The following ZRANB3 variants were observed in gnomAD, a reference collection of about 807,000 sequenced individuals.
ZRANB3 encodes the protein zinc finger RANBP2-type containing 3, also known as DNA annealing helicase and endonuclease ZRANB3.
A neutral mutation model predicts 133.8 loss-of-function variants in ZRANB3; 125 were observed. The ratio of observed to expected loss-of-function variants is 0.93; its 90% CI spans 0.81 to 1.08. The LOEUF (loss-of-function observed/expected upper bound fraction) is 1.08, where lower values mean the gene tolerates loss of function less well. ZRANB3 is among the 50% of genes least tolerant of loss of function. The pLI, the probability that ZRANB3 is intolerant of heterozygous loss-of-function variation, is 0.00. For synonymous variants in ZRANB3, 387 were observed against 432.7 expected (o/e 0.89, Z 1.31); for missense variants, 1,229 against 1,275.5 (o/e 0.96, Z 0.56).
At chr2:135,499,672 A>G (rs1692848452) in intron 2 of ZRANB3, among the ~76,000 whole-genome samples, 1 of 152,244 alleles carries the variant, frequency 6.6e-6, no homozygotes, top group Non-Finnish European at 1.5e-5. Flanking sequence ...ACCTACCAGA[A>G]TATCTAAAAT....
chr2:135,423,104 T>C (rs140105355), intron 2 of ZRANB3, among the ~76,000 whole-genome samples: 4 of 152,320 alleles, frequency 2.6e-5, no homozygotes, highest in Non-Finnish European at 5.9e-5. Context: ...CCATTCTGCT[T>C]ACACAGCATT....
At chr2:135,202,745 C>A in intron 20 of ZRANB3, 87 bp downstream of exon 20, 1 of 1,436,686 alleles carries the variant, frequency 7.0e-7, no homozygotes, top group South Asian at 1.5e-5. Flanking sequence ...GAGATAAATT[C>A]ATCCACATAA....
chr2:135,264,470 C>CAA (rs201380002), intron 12 of ZRANB3, among the ~76,000 whole-genome samples: 14 of 64,958 alleles, frequency 2.2e-4, no homozygotes, highest in African/African-American at 4.1e-4. Flanking sequence ...GACTCTGTCT[C>CAA]AAAAAAAAAA....
intron 2 of ZRANB3, among the ~76,000 whole-genome samples, chr2:135,412,892 T>C (rs1456554686): frequency 6.6e-6 from 1 of 152,154 alleles, no homozygotes; most frequent in East Asian, 1.9e-4. Flanking sequence ...GAAAAGGCAG[T>C]TCTTCTTAAA....
At chr2:135,353,156 T>C (rs1033994757) in intron 4 of ZRANB3, among the ~76,000 whole-genome samples, 3 of 152,168 alleles carry the variant, frequency 2.0e-5, no homozygotes, top group Non-Finnish European at 4.4e-5. Flanking sequence ...AACCTTAAGA[T>C]GGTTTCAAAT....
At chr2:135,345,789 C>T (rs571736326) in intron 5 of ZRANB3, among the ~76,000 whole-genome samples, 154 bp from the exon 6 acceptor site, 1 of 151,932 alleles carries the variant, frequency 6.6e-6, no homozygotes, top group African/African-American at 2.4e-5. Flanking sequence ...CAGGGATAAC[C>T]GTTATCTGTT....
At chr2:135,437,577 T>C (rs1161330985) in intron 2 of ZRANB3, among the ~76,000 whole-genome samples, 3 of 152,230 alleles carry the variant, frequency 2.0e-5, no homozygotes, top group Non-Finnish European at 4.4e-5. Context: ...AACTGTTCAC[T>C]TATGATGTGG....
chr2:135,207,191 T>A (rs538717019), intron 19 of ZRANB3, among the ~76,000 whole-genome samples: 67 of 149,542 alleles, frequency 4.5e-4, no homozygotes, highest in Admixed American at 5.3e-4. Flanking sequence ...AATAAATAAA[T>A]AATAAATAAA....
At chr2:135,257,513 T>G (rs1020526736) in intron 12 of ZRANB3, among the ~76,000 whole-genome samples, 1 of 152,200 alleles carries the variant, frequency 6.6e-6, no homozygotes, top group Non-Finnish European at 1.5e-5. Flanking sequence ...CCAGATGGTT[T>G]TACAAAATGG....
At chr2:135,274,524 G>A (rs1252191203) in intron 9 of ZRANB3, among the ~76,000 whole-genome samples, 1 of 152,054 alleles carries the variant, frequency 6.6e-6, no homozygotes, top group Non-Finnish European at 1.5e-5. Flanking sequence ...CTCTAAAACG[G>A]TATATCCAGG....
chr2:135,463,316 T>G (rs1690842185), intron 2 of ZRANB3, among the ~76,000 whole-genome samples: 1 of 152,150 alleles, frequency 6.6e-6, no homozygotes, highest in Non-Finnish European at 1.5e-5. Flanking sequence ...CTGTTTTATA[T>G]ATATAAAACA....
intron 2 of ZRANB3, among the ~76,000 whole-genome samples, chr2:135,491,735 T>C (rs1348532747): frequency 1.3e-5 from 2 of 152,012 alleles, no homozygotes; most frequent in Admixed American, 1.3e-4. Flanking sequence ...CAGGATGGTC[T>C]TGATCTCCTG....
chr2:135,207,194 T>TAAATAAA (rs1558828184), intron 19 of ZRANB3, among the ~76,000 whole-genome samples: 9 of 141,034 alleles, frequency 6.4e-5, no homozygotes, highest in African/African-American at 2.6e-4. Flanking sequence ...AAATAAATAA[T>TAAATAAA]AAATAAATAA....
chr2:135,251,573 C>A (rs1301583190), intron 12 of ZRANB3, among the ~76,000 whole-genome samples: 3 of 152,122 alleles, frequency 2.0e-5, no homozygotes, highest in East Asian at 1.9e-4. Flanking sequence ...GTCTTTCCTG[C>A]GCTATTCTTG....
At chr2:135,361,158 G>T (rs947248983) in intron 3 of ZRANB3, among the ~76,000 whole-genome samples, 2 of 152,114 alleles carry the variant, frequency 1.3e-5, no homozygotes, top group Admixed American at 6.5e-5. Flanking sequence ...AAGTAATTTA[G>T]GCATACAGGA....
intron 9 of ZRANB3, 125 bp from the exon 10 acceptor site, chr2:135,272,012 G>T: frequency 2.9e-6 from 3 of 1,038,292 alleles, no homozygotes; most frequent in East Asian, 3.0e-5. Context: ...GTGACAGATT[G>T]GTAAATGTTA....
intron 3 of ZRANB3, among the ~76,000 whole-genome samples, chr2:135,370,033 CTTTTTT>C (rs548070677): frequency 1.7e-5 from 2 of 119,366 alleles, no homozygotes; most frequent in Admixed American, 8.3e-5. Flanking sequence ...GGGCATGTTT[CTTTTTT>C]TTTTTTTTTT....
chr2:135,212,258 A>G (rs1474264570), intron 17 of ZRANB3, among the ~76,000 whole-genome samples: 1 of 152,134 alleles, frequency 6.6e-6, no homozygotes, highest in Non-Finnish European at 1.5e-5. Flanking sequence ...TTTAGTTCCC[A>G]AATTTCCTCC....
chr2:135,434,002 A>C (rs1458906200), intron 2 of ZRANB3, among the ~76,000 whole-genome samples: 1 of 152,056 alleles, frequency 6.6e-6, no homozygotes, highest in Non-Finnish European at 1.5e-5. Flanking sequence ...TCTCAAAACA[A>C]AACAAAAAAA....
Sources: gnomAD v4.1 joint callset for allele counts (sites outside exome capture counted in the v4.1 genomes callset) on GRCh38, gnomAD v4.1.1 for gene constraint, MANE v1.5 for transcripts, NCBI Gene and HGNC (gene_info 2026-07-23, HGNC 2026-07-21) for gene names.